Variants in PDE1C observed in about 807,000 individuals in gnomAD.
PDE1C encodes the protein phosphodiesterase 1C, also known as dual specificity calcium/calmodulin-dependent 3',5'-cyclic nucleotide phosphodiesterase 1C.
A neutral mutation model predicts 93.1 loss-of-function variants in PDE1C; 62 were observed. The ratio of observed to expected loss-of-function variants is 0.67; its 90% CI spans 0.54 to 0.82. The LOEUF (loss-of-function observed/expected upper bound fraction) is 0.82, where lower values mean the gene tolerates loss of function less well. Ranked by LOEUF, PDE1C falls within the 40% of genes least tolerant of loss-of-function variation. The pLI, the probability that PDE1C is intolerant of heterozygous loss-of-function variation, is 0.00. For synonymous variants in PDE1C, 325 were observed against 310.1 expected, an observed-to-expected ratio of 1.05 and a Z score of -0.50; for missense variants, 742 against 884.6, an observed-to-expected ratio of 0.84 and a Z score of 2.04.
At chr7:32,249,742 A>T (rs935347393) in intron 1 of PDE1C, among the ~76,000 whole-genome samples, 1 of 152,200 alleles carries the variant, frequency 6.6e-6, no homozygotes, top group African/African-American at 2.4e-5. Context: ...TGCAGATAAA[A>T]AAAATTAAGG....
intron 2 of PDE1C, among the ~76,000 whole-genome samples, chr7:31,906,414 C>A (rs1429416502): frequency 6.6e-6 from 1 of 152,150 alleles, no homozygotes; most frequent in Non-Finnish European, 1.5e-5. Flanking sequence ...AGACTAAAGT[C>A]AATCTGTGAT....
intron 3 of PDE1C, among the ~76,000 whole-genome samples, chr7:32,130,005 C>A (rs909286166): frequency 6.6e-6 from 1 of 152,036 alleles, no homozygotes; most frequent in Non-Finnish European, 1.5e-5. Flanking sequence ...AAACAATGTA[C>A]CTCCCACAAT....
At chr7:32,238,645 T>C (rs1394107822) in intron 1 of PDE1C, among the ~76,000 whole-genome samples, 1 of 152,250 alleles carries the variant, frequency 6.6e-6, no homozygotes. Flanking sequence ...TTCTATCAGA[T>C]ATTAGCACTT....
At chr7:32,135,263 G>A (rs1308463299) in intron 3 of PDE1C, among the ~76,000 whole-genome samples, 8 of 152,126 alleles carry the variant, frequency 5.3e-5, no homozygotes, top group Non-Finnish European at 8.8e-5. Context: ...AGAATACTTT[G>A]AAAAACGTTT....
At chr7:31,845,811 T>C (rs941932199) in intron 9 of PDE1C, among the ~76,000 whole-genome samples, 3 of 151,946 alleles carry the variant, frequency 2.0e-5, no homozygotes, top group Admixed American at 2.0e-4. Flanking sequence ...ACCAAAATGG[T>C]GAAACACTGT....
intron 16 of PDE1C, chr7:31,788,002 G>C (rs1394234710): frequency 1.3e-5 from 2 of 152,136 alleles, no homozygotes; most frequent in African/African-American, 4.8e-5. Flanking sequence ...TTGCTTCACT[G>C]AGAGTTTTAG....
At position 31,828,282 on chromosome 7, in the gene PDE1C, AAACACGT is replaced by A. The variant is rs1789943245; in HGVS notation, c.1285+3_1285+9del. 6.2e-7 allele frequency: 1 copy of A among 1,609,320 alleles called. No homozygotes were observed. Among genetic ancestry groups the A allele is most frequent in the African/African-American group, 1.3e-5 (1 of 74,830 alleles). Reference sequence around the variant, plus strand: ...TTGGTGCTTCTATCCAAAGAGCTGCAAACACGTACCTACTTGTGACTGAGCAACCATA... The same window carrying A: ...TTGGTGCTTCTATCCAAAGAGCTGCAACCTACTTGTGACTGAGCAACCATA... On this transcript the variant is annotated splice_donor_5th_base_variant and intron_variant, in intron 12 of 17. Coordinates refer to ENST00000396191, the MANE Select transcript of PDE1C (RefSeq NM_001191057.4).
intron 1 of PDE1C, among the ~76,000 whole-genome samples, chr7:32,286,521 T>C (rs575568561): frequency 1.3e-5 from 2 of 152,366 alleles, no homozygotes; most frequent in Middle Eastern, 6.8e-3. Flanking sequence ...AAAATATGTG[T>C]GCATATAATT....
chr7:31,697,124 A>T, the PDE1C span: 1 of 1,613,614 alleles, frequency 6.2e-7, no homozygotes, highest in African/African-American at 1.3e-5. Flanking sequence ...GCAGGTAAAA[A>T]AGCTGGTGCA....
chr7:32,336,549 T>C (rs886583538), intron 1 of PDE1C, among the ~76,000 whole-genome samples: 1 of 152,102 alleles, frequency 6.6e-6, no homozygotes, highest in East Asian at 1.9e-4. Context: ...AATCAGGAAC[T>C]CTCTTAACTG....
intron 2 of PDE1C, among the ~76,000 whole-genome samples, chr7:32,036,117 G>T (rs1791043422): frequency 6.6e-6 from 1 of 152,112 alleles, no homozygotes; most frequent in African/African-American, 2.4e-5. Flanking sequence ...TTCACAAATT[G>T]TTTACTTCAG....
chr7:32,141,084 C>G (rs1017945240), intron 3 of PDE1C, among the ~76,000 whole-genome samples: 2 of 152,164 alleles, frequency 1.3e-5, no homozygotes, highest in African/African-American at 4.8e-5. Context: ...AGTGGGGAAG[C>G]AAAAAGAATA....
intron 17 of PDE1C, among the ~76,000 whole-genome samples, chr7:31,772,796 C>A (rs1467174994): frequency 6.6e-6 from 1 of 152,176 alleles, no homozygotes; most frequent in Non-Finnish European, 1.5e-5. Context: ...CAATTAAATC[C>A]ATTCACTGGC....
intron 1 of PDE1C, among the ~76,000 whole-genome samples, chr7:32,056,936 C>A (rs1206126065): frequency 6.6e-6 from 1 of 152,256 alleles, no homozygotes. Context: ...CACTGCCCAG[C>A]TTTTCCCATG....
chr7:32,094,709 G>A (rs987350550), intron 3 of PDE1C, among the ~76,000 whole-genome samples: 9 of 152,180 alleles, frequency 5.9e-5, no homozygotes, highest in African/African-American at 1.2e-4. Flanking sequence ...CAGTGAGTTC[G>A]TGATGATGGG....
Position 32,248,603 on chromosome 7 carries a change from G to A in PDE1C, c.86-39064C>T, listed in dbSNP as rs566063586. Among the ~76,000 whole-genome samples the A allele has an allele frequency of 6.6e-5, 10 of 152,328 alleles. No homozygotes were observed. In the South Asian group the frequency reaches 2.1e-3, roughly 32 times the overall value. On this transcript the variant is annotated intron_variant, in intron 1 of 18. Coordinates refer to the PDE1C transcript ENST00000396193. ...GACTGACAGAAGTCCTCCCAAGGAGGTGAGCTCTGCAGAGACCTAGAAGGA... is the reference window on the plus strand; with the variant it reads ...GACTGACAGAAGTCCTCCCAAGGAGATGAGCTCTGCAGAGACCTAGAAGGA...
At chr7:32,354,071 T>C (rs1370823504) in intron 1 of PDE1C, among the ~76,000 whole-genome samples, 1 of 152,178 alleles carries the variant, frequency 6.6e-6, no homozygotes, top group Non-Finnish European at 1.5e-5. Flanking sequence ...CCTCTATGAC[T>C]TCCAAGATCC....
intron 1 of PDE1C, among the ~76,000 whole-genome samples, chr7:32,260,263 G>A (rs1810102749): frequency 6.6e-6 from 1 of 152,230 alleles, no homozygotes; most frequent in Non-Finnish European, 1.5e-5. Flanking sequence ...GAGCAAATCA[G>A]TCAACAGTGG....
At chr7:31,677,701 A>G in the PDE1C span, among the ~76,000 whole-genome samples, 1 of 152,192 alleles carries the variant, frequency 6.6e-6, no homozygotes, top group Non-Finnish European at 1.5e-5. Flanking sequence ...GAAAACTTCT[A>G]GGCTTTTTCT....
Sources: allele counts gnomAD v4.1 joint callset (sites outside exome capture counted in the v4.1 genomes callset), GRCh38; gene constraint gnomAD v4.1.1; transcripts MANE v1.5; gene names NCBI Gene and HGNC (gene_info 2026-07-23, HGNC 2026-07-21).